Variants in VAV2 observed in about 807,000 individuals in gnomAD.
VAV2 encodes vav guanine nucleotide exchange factor 2, also known as guanine nucleotide exchange factor VAV2.
Under a neutral mutation model 132.5 loss-of-function variants are expected in VAV2, and 67 were observed. That is an observed-to-expected ratio of 0.51 (90% CI 0.42 to 0.62). The LOEUF is 0.62. Ranked by LOEUF, VAV2 falls within the 20% of genes least tolerant of loss-of-function variation. The pLI, the probability that VAV2 is intolerant of heterozygous loss-of-function variation, is 0.00. For synonymous variants in VAV2, 492 were observed against 443.5 expected (o/e 1.11, Z -1.37); for missense variants, 938 against 1,153.6 (o/e 0.81, Z 2.71).
intron 1 of VAV2, among the ~76,000 whole-genome samples, chr9:133,973,409 C>A (rs1419948490): frequency 1.3e-5 from 2 of 152,204 alleles, no homozygotes; most frequent in East Asian, 3.9e-4. Context: ...CTCCCATGAC[C>A]CCCGGGCAGG....
At chr9:133,838,739 GTGGGTGGATGAATGGA>G (rs1273421171) in intron 3 of VAV2, among the ~76,000 whole-genome samples, 4 of 145,042 alleles carry the variant, frequency 2.8e-5, no homozygotes, top group Admixed American at 6.9e-5. Context: ...GGATGAATGG[GTGGGTGGATGAATGGA>G]TGGGTGGATG....
At chr9:133,945,002 G>C (rs1814686119) in intron 1 of VAV2, among the ~76,000 whole-genome samples, 1 of 152,216 alleles carries the variant, frequency 6.6e-6, no homozygotes, top group Non-Finnish European at 1.5e-5. Flanking sequence ...ACGGCCGCCA[G>C]GTTTTCCAGA....
At chr9:133,865,722 C>T (rs1837771816) in intron 2 of VAV2, among the ~76,000 whole-genome samples, 1 of 152,204 alleles carries the variant, frequency 6.6e-6, no homozygotes, top group East Asian at 1.9e-4. Flanking sequence ...TCTTTTTGAG[C>T]ACCAGCTGGC....
At chr9:133,921,457 C>A (rs1379782118) in intron 2 of VAV2, among the ~76,000 whole-genome samples, 1 of 152,184 alleles carries the variant, frequency 6.6e-6, no homozygotes, top group African/African-American at 2.4e-5. Context: ...CACAGCAAGA[C>A]CCTATCTCTA....
intron 2 of VAV2, among the ~76,000 whole-genome samples, chr9:133,904,207 G>T (rs916417127): frequency 6.6e-6 from 1 of 152,164 alleles, no homozygotes; most frequent in South Asian, 2.1e-4. Flanking sequence ...CCAGAGCTCC[G>T]CATTCTAAAG....
In VAV2 at chr9:133,802,323, T is replaced by TACACAC. The variant is rs58155949; in HGVS notation, c.836+3752_836+3757dup. On this transcript the variant is annotated intron_variant, in intron 9 of 29. Coordinates refer to ENST00000371850, the MANE Select transcript of VAV2 (RefSeq NM_001134398.2). This position sits in a 1 kb window ranked among gnomAD's most constrained non-coding sequence, Gnocchi z 5.8. ...GCACACAAACACACAAGCACGCGTG[T>TACACAC]ACACACACACACACACACACACACA... Among the ~76,000 whole-genome samples the TACACAC allele has an allele frequency of 0.024, 3,407 of 142,156 alleles. 70 individuals carry two copies. The highest frequency in any genetic ancestry group is 0.071 in the South Asian group (287 of 4,056). 93.3% of individuals were successfully genotyped at this position (142,156 alleles called of 152,430 possible). A position where few individuals can be genotyped will look rare whatever the true frequency, so the allele number is the denominator to read the frequency against.
chr9:133,899,825 T>G (rs1839367596), intron 2 of VAV2, among the ~76,000 whole-genome samples: 1 of 150,556 alleles, frequency 6.6e-6, no homozygotes, highest in African/African-American at 2.4e-5. Flanking sequence ...GTCGAGACCA[T>G]CCTGACTAAC....
chr9:133,843,238 G>A (rs543310683), intron 3 of VAV2, among the ~76,000 whole-genome samples: 1 of 152,194 alleles, frequency 6.6e-6, no homozygotes, highest in South Asian at 2.1e-4. Flanking sequence ...CAGGGAGCAC[G>A]CAGAGACAGC....
chr9:133,843,186 C>T (rs959189467), intron 3 of VAV2, among the ~76,000 whole-genome samples: 2 of 152,102 alleles, frequency 1.3e-5, no homozygotes, highest in East Asian at 3.9e-4. Context: ...CGGAGATGAG[C>T]CTGACACACC....
rs372753276 is a variant in VAV2 at position 133,783,621 on chromosome 9, G to C, written c.1635-30C>G. The C allele has an allele frequency of 5.6e-6, 9 of 1,610,034 alleles. No individual in the cohort carries two copies. In the East Asian group the frequency reaches 2.0e-4, roughly 36 times the overall value. ...ACAGGGGAGGGCAGGAGGTGAGGTC[G>C]AGGCTGGGGTCGGCTCCTCATGCCT... On this transcript the variant is annotated intron_variant, in intron 18 of 29. Transcript: ENST00000371850.
At position 133,939,051 on chromosome 9, in the gene VAV2, C is replaced by G. The variant is rs534775683; in HGVS notation, c.321+52G>C. On this transcript the variant is annotated intron_variant, in intron 2 of 29. Coordinates refer to ENST00000371850, the MANE Select transcript of VAV2 (RefSeq NM_001134398.2). Reference sequence around the variant, plus strand: ...TCTGGCCCACCTGCCGCTGAGCCGGCAAATCGGCCACCACAGCTGAGCGAC... The same window carrying G: ...TCTGGCCCACCTGCCGCTGAGCCGGGAAATCGGCCACCACAGCTGAGCGAC... 19 of 1,560,780 alleles carry G rather than the reference C, an allele frequency of 1.2e-5. No individual in the cohort carries two copies. The African/African-American group carries it at 1.9e-4, about 16-fold the overall frequency.
chr9:133,770,046 A>C, intron 27 of VAV2, among the ~76,000 whole-genome samples: 1 of 152,214 alleles, frequency 6.6e-6, no homozygotes, highest in East Asian at 1.9e-4. Flanking sequence ...ATCTGGGAAC[A>C]GGTGGGCCTG....
intron 2 of VAV2, among the ~76,000 whole-genome samples, chr9:133,934,103 T>C (rs1840816165): frequency 6.6e-6 from 1 of 151,378 alleles, no homozygotes. Flanking sequence ...GCTGGATGGA[T>C]GGATGATGGA....
At position 133,918,096 on chromosome 9, in the gene VAV2, A is replaced by T. The variant is rs1840165267; in HGVS notation, c.321+21007T>A. 6.6e-6 allele frequency among the ~76,000 whole-genome samples: 1 copy of T among 152,128 alleles called. No homozygotes were observed. The highest frequency in any genetic ancestry group is 1.5e-5 in the Non-Finnish European group (1 of 68,028). ...TGAGACTCTAACACCATTAAACATG[A>T]TTTAATTTGCTTTTCCTAATGATAT... On this transcript the variant is annotated intron_variant, in intron 2 of 29. Coordinates refer to ENST00000371850, the MANE Select transcript of VAV2 (RefSeq NM_001134398.2). This position sits in a 1 kb window ranked among gnomAD's most constrained non-coding sequence, Gnocchi z 4.7.
chr9:133,898,982 C>A lies in VAV2; in HGVS notation c.322-37550G>T, dbSNP rs554697526. ...GACTACAGGCACCCGCCACCACGCC[C>A]GGCTAATTTTTTGTATTTTTAGTGG... is the stretch of plus-strand genomic sequence containing the variant. On this transcript the variant is annotated intron_variant, in intron 2 of 29. Transcript: ENST00000371850. Among the ~76,000 whole-genome samples, 27 of 151,906 alleles carry A rather than the reference C, an allele frequency of 1.8e-4. No individual in the cohort carries two copies. The East Asian group carries it at 4.5e-3, about 26-fold the overall frequency.
intron 25 of VAV2, 92 bp from the exon 26 acceptor site, chr9:133,772,138 C>T: frequency 1.4e-6 from 1 of 696,572 alleles, no homozygotes; most frequent in Non-Finnish European, 2.2e-6. Flanking sequence ...TTTGCTGCAG[C>T]AAAGCCCCTC....
Position 133,808,931 on chromosome 9 carries a change from C to T in VAV2, c.666+109G>A, listed in dbSNP as rs539749422. 102 of 1,016,282 alleles carry T rather than the reference C, an allele frequency of 1.0e-4. 1 individual carries two copies. In the South Asian group the frequency reaches 1.6e-3, roughly 16 times the overall value. The allele number at this position is 1,016,282 out of a possible 1,614,324, so 63.0% of individuals were successfully genotyped here. ...GGGCCACCAAGTCTCCTTCGCCTGT[C>T]AGAGAGGCCCTATGGCCCTGCCTCC... On this transcript the variant is annotated intron_variant, in intron 7 of 29. Transcript: ENST00000371850.
intron 2 of VAV2, among the ~76,000 whole-genome samples, chr9:133,876,684 C>T (rs1838280143): frequency 2.0e-5 from 3 of 152,284 alleles, no homozygotes; most frequent in South Asian, 2.1e-4. Flanking sequence ...GGGAGGGGGG[C>T]GGCCCCAAGG....
intron 2 of VAV2, among the ~76,000 whole-genome samples, chr9:133,875,336 A>C (rs1240679848): frequency 2.6e-5 from 4 of 152,174 alleles, no homozygotes; most frequent in Non-Finnish European, 5.9e-5. Flanking sequence ...CACACAGCCC[A>C]GCGCCACAGC....
Sources: allele counts gnomAD v4.1 joint callset (sites outside exome capture counted in the v4.1 genomes callset), GRCh38; gene constraint gnomAD v4.1.1; non-coding constraint Gnocchi (gnomAD v3.1); transcripts MANE v1.5; gene names NCBI Gene and HGNC (gene_info 2026-07-23, HGNC 2026-07-21).